CADPS2: variants seen among roughly 807,000 people sequenced by gnomAD.
The protein encoded by CADPS2 is calcium dependent secretion activator 2.
CADPS2 carries 93 observed loss-of-function variants against 172.5 expected under a neutral mutation model. The observed-to-expected ratio is 0.54, with a 90% CI of 0.46 to 0.64. The LOEUF is 0.64. Ranked by LOEUF, CADPS2 falls within the 30% of genes least tolerant of loss-of-function variation. The probability of loss-of-function intolerance (pLI) is 0.00; values close to 1 mark genes in which losing one functional copy is unlikely to be tolerated. For missense variants in CADPS2, 1,420 were observed against 1,565.9 expected (o/e 0.91, Z 1.57); for synonymous variants, 546 against 555.2 (o/e 0.98, Z 0.23).
At chr7:122,503,438 T>C (rs1378372082) in intron 9 of CADPS2, among the ~76,000 whole-genome samples, 4 of 152,208 alleles carry the variant, frequency 2.6e-5, no homozygotes, top group East Asian at 3.9e-4. Context: ...TAGAAACTAG[T>C]ATCTACTGCA....
chr7:122,326,160 C>A (rs569697412), intron 28 of CADPS2, among the ~76,000 whole-genome samples: 1 of 150,880 alleles, frequency 6.6e-6, no homozygotes, highest in East Asian at 1.9e-4. Flanking sequence ...TCTTTTAAAA[C>A]CATCTAAAAT....
intron 14 of CADPS2, among the ~76,000 whole-genome samples, chr7:122,453,617 T>C (rs914139407): frequency 2.1e-4 from 32 of 152,208 alleles, no homozygotes; most frequent in Admixed American, 2.0e-3. Flanking sequence ...CTTATCTTCA[T>C]CATTCTGCTG....
chr7:122,876,063 G>A (rs1821125316), intron 1 of CADPS2, among the ~76,000 whole-genome samples: 1 of 152,194 alleles, frequency 6.6e-6, no homozygotes, highest in Non-Finnish European at 1.5e-5. Context: ...GCTCATGCCT[G>A]TAATCCCAGC....
chr7:122,592,401 T>C (rs1003008187), intron 6 of CADPS2, among the ~76,000 whole-genome samples: 3 of 152,172 alleles, frequency 2.0e-5, no homozygotes, highest in African/African-American at 7.2e-5. Flanking sequence ...GACTGTAAAC[T>C]AGTTCAACCA....
chr7:122,343,547 C>T (rs113614707), intron 28 of CADPS2, among the ~76,000 whole-genome samples: 3,738 of 152,278 alleles, frequency 0.025, 146 homozygotes, highest in African/African-American at 0.084. Context: ...GAAAAAACTT[C>T]TACCTTTATA....
intron 9 of CADPS2, among the ~76,000 whole-genome samples, chr7:122,501,860 G>A (rs1335663618): frequency 3.5e-5 from 4 of 114,006 alleles, no homozygotes; most frequent in African/African-American, 1.4e-4. Context: ...GGGCAACAAG[G>A]CAAGACTCCG....
intron 11 of CADPS2, among the ~76,000 whole-genome samples, chr7:122,489,520 A>G (rs1465575004): frequency 6.6e-6 from 1 of 152,136 alleles, no homozygotes; most frequent in Non-Finnish European, 1.5e-5. Flanking sequence ...CAGTCATTTA[A>G]AATTAAAAAT....
intron 2 of CADPS2, chr7:122,702,389 T>C (rs751695020): frequency 2.2e-5 from 35 of 1,613,700 alleles, no homozygotes; most frequent in Non-Finnish European, 2.9e-5. Context: ...TGCTCCCTTC[T>C]CTGCTGCCAC....
intron 29 of CADPS2, among the ~76,000 whole-genome samples, chr7:122,324,000 CAAGA>C (rs1563066155): frequency 6.7e-6 from 1 of 149,556 alleles, no homozygotes; most frequent in Non-Finnish European, 1.5e-5. Flanking sequence ...TTTATAGAAA[CAAGA>C]AACAATGGAG....
intron 2 of CADPS2, among the ~76,000 whole-genome samples, chr7:122,718,486 A>G (rs1448737669): frequency 2.0e-5 from 3 of 152,062 alleles, no homozygotes; most frequent in African/African-American, 7.2e-5. Context: ...ACAGGACAGG[A>G]AAAGTTCAGA....
intron 1 of CADPS2, among the ~76,000 whole-genome samples, chr7:122,786,254 AAGAATGGT>A (rs1794015264): frequency 6.6e-6 from 1 of 152,222 alleles, no homozygotes; most frequent in Admixed American, 6.5e-5. Context: ...AGAAGCCATG[AAGAATGGT>A]TGTTCTCCTC....
intron 17 of CADPS2, among the ~76,000 whole-genome samples, chr7:122,427,731 C>CTT (rs960703794): frequency 4.7e-5 from 7 of 149,232 alleles, no homozygotes; most frequent in Non-Finnish European, 1.0e-4. Flanking sequence ...TTAGATAACA[C>CTT]TTTTTTTTTT....
At chr7:122,840,375 A>G (rs1046041677) in intron 1 of CADPS2, among the ~76,000 whole-genome samples, 7 of 152,058 alleles carry the variant, frequency 4.6e-5, no homozygotes, top group Non-Finnish European at 7.4e-5. Flanking sequence ...ACATGTATAC[A>G]TATGTAACAA....
At chr7:122,683,540 TG>T (rs1468118409) in intron 2 of CADPS2, among the ~76,000 whole-genome samples, 2 of 152,166 alleles carry the variant, frequency 1.3e-5, no homozygotes, top group African/African-American at 4.8e-5. Flanking sequence ...TACAACGTGA[TG>T]TTTTGATATG....
chr7:122,854,800 C>T (rs1814708852), intron 1 of CADPS2, among the ~76,000 whole-genome samples: 1 of 152,184 alleles, frequency 6.6e-6, no homozygotes, highest in African/African-American at 2.4e-5. Flanking sequence ...ACCCGAGGAA[C>T]AGGTACTCTC....
chr7:122,865,652 G>A (rs1818115123), intron 1 of CADPS2, among the ~76,000 whole-genome samples: 1 of 152,168 alleles, frequency 6.6e-6, no homozygotes, highest in Non-Finnish European at 1.5e-5. Flanking sequence ...AAATAACAAA[G>A]CTGGTGTTTC....
intron 1 of CADPS2, among the ~76,000 whole-genome samples, chr7:122,853,749 C>T (rs989413706): frequency 2.0e-5 from 3 of 152,008 alleles, no homozygotes; most frequent in Admixed American, 2.0e-4. Flanking sequence ...CAAATCCTTC[C>T]CAGGGGAATT....
intron 3 of CADPS2, among the ~76,000 whole-genome samples, chr7:122,646,769 G>A (rs1295905712): frequency 3.3e-5 from 5 of 152,020 alleles, no homozygotes; most frequent in African/African-American, 7.2e-5. Context: ...GATCAGGAAG[G>A]TGCTTCAATG....
chr7:122,738,530 T>C (rs931245015), intron 1 of CADPS2, among the ~76,000 whole-genome samples: 15 of 152,128 alleles, frequency 9.9e-5, no homozygotes, highest in Non-Finnish European at 2.1e-4. Context: ...GATCAGACTT[T>C]ATTAACAAAC....
Sources: gnomAD v4.1 joint callset for allele counts (sites outside exome capture counted in the v4.1 genomes callset) on GRCh38, gnomAD v4.1.1 for gene constraint, MANE v1.5 for transcripts, NCBI Gene and HGNC (gene_info 2026-07-23, HGNC 2026-07-21) for gene names.